Variants in RTL4 observed in about 807,000 individuals in gnomAD.
RTL4 encodes the protein retrotransposon Gag-like protein 4.
In RTL4, 4 loss-of-function variants were observed where a neutral mutation model predicts 5.3. The observed-to-expected ratio is 0.75, with a 90% CI of 0.37 to 1.72. RTL4 has a LOEUF of 1.72. RTL4 is among the 40% of genes most tolerant of loss of function. The pLI, the probability that RTL4 is intolerant of heterozygous loss-of-function variation, is 0.04. For synonymous variants in RTL4, 98 were observed against 87.3 expected (o/e 1.12, Z -0.68); for missense variants, 260 against 227.1 (o/e 1.14, Z -0.93).
chrX:112,252,943 C>A, the RTL4 span, among the ~76,000 whole-genome samples: 1 of 111,514 alleles, frequency 9.0e-6, no homozygotes, highest in African/African-American at 3.3e-5. Context: ...CACACACACT[C>A]CCGCACCTCC....
the RTL4 span, among the ~76,000 whole-genome samples, chrX:112,362,039 T>C: frequency 7.1e-5 from 8 of 112,150 alleles, no homozygotes; most frequent in Non-Finnish European, 1.5e-4. Context: ...CAGGGAATAT[T>C]TGCAAGACAC....
chrX:112,397,613 T>C, the RTL4 span, among the ~76,000 whole-genome samples: 1 of 112,355 alleles, frequency 8.9e-6, no homozygotes, highest in Non-Finnish European at 1.9e-5. Flanking sequence ...AGTGTTGAGC[T>C]TTCCAATGCA....
chrX:112,274,213 C>T, the RTL4 span, among the ~76,000 whole-genome samples: 2 of 111,292 alleles, frequency 1.8e-5, no homozygotes, highest in Non-Finnish European at 3.8e-5. Context: ...AAGTGTGGTA[C>T]ACCATAAGAG....
At chrX:112,106,366 A>T in the RTL4 span, among the ~76,000 whole-genome samples, 1 of 111,957 alleles carries the variant, frequency 8.9e-6, no homozygotes, top group South Asian at 3.7e-4. Flanking sequence ...GTGAGTTTGA[A>T]AGTATACCCT....
the RTL4 span, among the ~76,000 whole-genome samples, chrX:112,442,858 C>T: frequency 0.039 from 4,384 of 111,435 alleles, 85 homozygotes; most frequent in Admixed American, 0.085. Flanking sequence ...ATAAACACAT[C>T]ATGGAACATG....
chrX:112,395,661 C>T, the RTL4 span, among the ~76,000 whole-genome samples: 4,861 of 111,407 alleles, frequency 0.044, 105 homozygotes, highest in East Asian at 0.13. Context: ...TAAGTTTCCA[C>T]CTCTGCCTCA....
the RTL4 span, among the ~76,000 whole-genome samples, chrX:112,246,976 T>G: frequency 2.9e-3 from 329 of 112,184 alleles, 1 homozygote; most frequent in Middle Eastern, 0.014. Flanking sequence ...GGCTGTGATA[T>G]GTTCTGTATA....
the RTL4 span, among the ~76,000 whole-genome samples, chrX:112,175,246 T>G: frequency 1.1e-5 from 1 of 92,650 alleles, no homozygotes; most frequent in African/African-American, 3.9e-5. Flanking sequence ...CGTCTTGAAT[T>G]AATTTTTGTA....
chrX:112,272,199 A>G, the RTL4 span, among the ~76,000 whole-genome samples: 19 of 112,643 alleles, frequency 1.7e-4, no homozygotes, highest in Non-Finnish European at 3.0e-4. Context: ...CAGCTATTGA[A>G]CAATTAAAAA....
chrX:112,148,750 T>C, the RTL4 span, among the ~76,000 whole-genome samples: 1 of 112,350 alleles, frequency 8.9e-6, no homozygotes. Flanking sequence ...TTCTATAAAA[T>C]GAGAATAATA....
the RTL4 span, among the ~76,000 whole-genome samples, chrX:112,250,340 A>G: frequency 9.0e-6 from 1 of 110,906 alleles, no homozygotes; most frequent in South Asian, 3.8e-4. Context: ...TTTGTTTCTT[A>G]GTTTTTTGTT....
chrX:112,143,853 T>A, the RTL4 span, among the ~76,000 whole-genome samples: 1 of 111,933 alleles, frequency 8.9e-6, no homozygotes, highest in African/African-American at 3.2e-5. Flanking sequence ...TTAAAGCACA[T>A]CTTTAGAACT....
At chrX:112,331,411 T>C in the RTL4 span, among the ~76,000 whole-genome samples, 2 of 107,007 alleles carry the variant, frequency 1.9e-5, no homozygotes, top group African/African-American at 6.8e-5. Context: ...GAAAAAATGC[T>C]CATCATCACT....
the RTL4 span, among the ~76,000 whole-genome samples, chrX:112,165,746 G>A: frequency 8.9e-6 from 1 of 111,763 alleles, no homozygotes; most frequent in East Asian, 2.8e-4. Context: ...CTGTGAATGA[G>A]GAGTCACTGT....
At chrX:112,248,455 A>C in the RTL4 span, among the ~76,000 whole-genome samples, 1 of 112,207 alleles carries the variant, frequency 8.9e-6, no homozygotes, top group Non-Finnish European at 1.9e-5. Context: ...TTCCTCTCCA[A>C]GCCCCTACAA....
chrX:112,323,578 A>T, the RTL4 span, among the ~76,000 whole-genome samples: 753 of 109,661 alleles, frequency 6.9e-3, 3 homozygotes, highest in African/African-American at 0.024. Context: ...TGCAACCTCG[A>T]CCTCCCTGAC....
the RTL4 span, among the ~76,000 whole-genome samples, chrX:112,431,668 GT>G: frequency 9.0e-6 from 1 of 111,316 alleles, no homozygotes; most frequent in Non-Finnish European, 1.9e-5. Flanking sequence ...AAGAAGAGTT[GT>G]TTGTCTTTTT....
At chrX:112,424,923 T>C in the RTL4 span, among the ~76,000 whole-genome samples, 93 of 111,199 alleles carry the variant, frequency 8.4e-4, no homozygotes, top group Non-Finnish European at 1.2e-3. Context: ...TGAAGCTACA[T>C]TGATGCATTA....
At chrX:112,236,226 C>T in the RTL4 span, among the ~76,000 whole-genome samples, 5,136 of 107,649 alleles carry the variant, frequency 0.048, 312 homozygotes, top group African/African-American at 0.17. Context: ...TGTGATTTGC[C>T]TATTCCTATT....
Sources: allele counts gnomAD v4.1 joint callset (sites outside exome capture counted in the v4.1 genomes callset), GRCh38; gene constraint gnomAD v4.1.1; transcripts MANE v1.5; gene names NCBI Gene and HGNC (gene_info 2026-07-23, HGNC 2026-07-21).